The following NPRL3 variants were observed in gnomAD, a reference collection of about 807,000 sequenced individuals.
NPRL3 encodes NPR3 like, GATOR1 complex subunit.
In NPRL3, 23 loss-of-function variants were observed where a neutral mutation model predicts 57.2. The ratio of observed to expected loss-of-function variants is 0.40; its 90% CI spans 0.29 to 0.57. The LOEUF is 0.57. Among genes scored for constraint, NPRL3 ranks in the 20% least tolerant of loss-of-function variants. The pLI, the probability that NPRL3 is intolerant of heterozygous loss-of-function variation, is 0.42. For synonymous variants in NPRL3, 333 were observed against 321.1 expected (o/e 1.04, Z -0.39); for missense variants, 691 against 767.1 (o/e 0.90, Z 1.17).
chr16:102,664 C>G (rs953927364), intron 7 of NPRL3, among the ~76,000 whole-genome samples: 4 of 152,226 alleles, frequency 2.6e-5, no homozygotes, highest in African/African-American at 9.6e-5. Context: ...GACAGGCCAA[C>G]ACACCCACAT....
At chr16:130,950 T>G (rs1442401370) in intron 2 of NPRL3, among the ~76,000 whole-genome samples, 1 of 152,180 alleles carries the variant, frequency 6.6e-6, no homozygotes, top group African/African-American at 2.4e-5. Flanking sequence ...TAGAAACAGA[T>G]AGCGGTAATG....
chr16:116,796 C>CG (rs895676782), intron 5 of NPRL3, among the ~76,000 whole-genome samples: 5 of 144,684 alleles, frequency 3.5e-5, no homozygotes, highest in Middle Eastern at 3.6e-3. Context: ...GACCCCCCCC[C>CG]CCCACCGATC....
At chr16:96,258 G>A (rs1057022673) in intron 9 of NPRL3, among the ~76,000 whole-genome samples, 3 of 152,172 alleles carry the variant, frequency 2.0e-5, no homozygotes, top group Non-Finnish European at 4.4e-5. Context: ...AGGATGAGAG[G>A]CACAGTGTCC....
At position 103,159 on chromosome 16, in the gene NPRL3, T is replaced by A. The variant is rs371842409; in HGVS notation, c.630-2650A>T. 8.6e-5 allele frequency among the ~76,000 whole-genome samples: 13 copies of A among 151,960 alleles called. No individual in the cohort carries two copies. The East Asian group carries it at 1.2e-3, about 14-fold the overall frequency. ...AAAGGTCTATTTTTTTTTTCTTTTT[T>A]CTGAGACAAGGTCTCACTGTTGCTC... On this transcript the variant is annotated intron_variant, in intron 7 of 13. Coordinates refer to ENST00000611875, the MANE Select transcript of NPRL3 (RefSeq NM_001077350.3).
chr16:118,735 C>T (rs1567142474), intron 4 of NPRL3, among the ~76,000 whole-genome samples: 1 of 152,266 alleles, frequency 6.6e-6, no homozygotes, highest in Non-Finnish European at 1.5e-5. Context: ...TTCACCAGAG[C>T]TGGTGTCAGC....
At chr16:110,713 A>C (rs906348820) in intron 6 of NPRL3, 107 bp from the exon 7 acceptor site, 1 of 875,182 alleles carries the variant, frequency 1.1e-6, no homozygotes, top group Non-Finnish European at 1.8e-6. Flanking sequence ...ATGTCTGGCT[A>C]ATTTTTTTGT....
intron 7 of NPRL3, among the ~76,000 whole-genome samples, chr16:101,702 G>C (rs768894123): frequency 2.0e-4 from 30 of 152,160 alleles, no homozygotes; most frequent in Admixed American, 7.2e-4. Flanking sequence ...GGCAGTCCCA[G>C]CCATGGGCCT....
At position 100,534 on chromosome 16, in the gene NPRL3, C is replaced by T. The variant is rs367704264; in HGVS notation, c.630-25G>A. ...GCTGCAGAGAGTGGGCGCTGTTACC[C>T]GTTCACATAAACTTTCTAACCATGC... is the stretch of plus-strand genomic sequence containing the variant. On this transcript the variant is annotated intron_variant, in intron 7 of 13. Coordinates refer to ENST00000611875, the MANE Select transcript of NPRL3 (RefSeq NM_001077350.3). The T allele has an allele frequency of 5.0e-5, 76 of 1,516,740 alleles. 1 individual carries two copies. The Middle Eastern group carries it at 5.3e-4, about 11-fold the overall frequency. The allele number at this position is 1,516,740 out of a possible 1,614,324, so 94.0% of individuals were successfully genotyped here.
At chr16:110,904 A>C in intron 6 of NPRL3, among the ~76,000 whole-genome samples, 1 of 152,254 alleles carries the variant, frequency 6.6e-6, no homozygotes, top group East Asian at 1.9e-4. Context: ...GAGCTACCAC[A>C]TCCAGCCAAA....
intron 2 of NPRL3, among the ~76,000 whole-genome samples, chr16:132,861 G>C (rs1254386016): frequency 1.3e-5 from 2 of 152,040 alleles, no homozygotes; most frequent in African/African-American, 4.8e-5. Flanking sequence ...AGTAGACATG[G>C]GGTTTCACTG....
chr16:94,533 G>C (rs1365402961), intron 9 of NPRL3, among the ~76,000 whole-genome samples: 1 of 152,182 alleles, frequency 6.6e-6, no homozygotes, highest in Non-Finnish European at 1.5e-5. Context: ...AGGATCGCCT[G>C]AACCTCGGAG....
intron 12 of NPRL3, 183 bp from the exon 13 acceptor site, chr16:89,073 G>C: frequency 1.6e-6 from 1 of 616,364 alleles, no homozygotes. Context: ...TCATACGGCT[G>C]ACTTGGGAAA....
At position 85,396 on chromosome 16, in the gene NPRL3, C is replaced by T. The variant is rs774177528; in HGVS notation, c.*1309G>A. Reference sequence around the variant, plus strand: ...GGCTCCACTTCCAAACTGTCCGTCCCACAGGGGACGGGGCTTGCGTCTTGC... The same window carrying T: ...GGCTCCACTTCCAAACTGTCCGTCCTACAGGGGACGGGGCTTGCGTCTTGC... On this transcript the variant is annotated 3_prime_UTR_variant, in exon 14 of 14. Transcript: ENST00000611875. 22 of 1,598,202 alleles carry T rather than the reference C, an allele frequency of 1.4e-5. No homozygotes were observed. The highest frequency in any genetic ancestry group is 1.5e-5 in the Non-Finnish European group (18 of 1,171,662).
At chr16:117,556 G>A (rs1900096865) in intron 4 of NPRL3, among the ~76,000 whole-genome samples, 181 bp from the exon 5 acceptor site, 1 of 152,226 alleles carries the variant, frequency 6.6e-6, no homozygotes, top group South Asian at 2.1e-4. Context: ...ACTATGACAA[G>A]AGTGGGAAGG....
At chr16:121,614 C>T (rs1188467304) in intron 3 of NPRL3, among the ~76,000 whole-genome samples, 3 of 126,326 alleles carry the variant, frequency 2.4e-5, no homozygotes, top group Non-Finnish European at 5.2e-5. Context: ...AGCGAAACTC[C>T]GTCTCAAAAA....
In NPRL3 at chr16:130,584, C is replaced by T. The variant is rs370587053; in HGVS notation, c.126G>A (p.Pro42=). ...TGTTGCTGGCAGCGTATCTGCTACG[C>T]GGCTTACCTGAGTCGGGGCGAAAAG... ...QEHPASQTSK[P]RSRYAASNTG... Residue 42 remains proline, a synonymous_variant, in exon 3 of 14, where the codon CCG becomes CCA. Transcript: ENST00000611875. 35 of 1,554,194 alleles carry T rather than the reference C, an allele frequency of 2.3e-5. No homozygotes were observed. The Admixed American group carries it at 2.3e-4, about 10-fold the overall frequency.
chr16:114,175 C>G (rs560572999), intron 5 of NPRL3, among the ~76,000 whole-genome samples: 4 of 152,146 alleles, frequency 2.6e-5, no homozygotes, highest in Non-Finnish European at 1.5e-5. Context: ...CAACAGTGTC[C>G]ATGAGTTGGA....
chr16:87,473 G>T (rs1268604201), intron 13 of NPRL3, among the ~76,000 whole-genome samples: 1 of 151,470 alleles, frequency 6.6e-6, no homozygotes, highest in Non-Finnish European at 1.5e-5. Flanking sequence ...CTGAACTCAG[G>T]TGATCCACCC....
At chr16:101,934 C>T (rs1596510570) in intron 7 of NPRL3, among the ~76,000 whole-genome samples, 1 of 152,240 alleles carries the variant, frequency 6.6e-6, no homozygotes, top group Non-Finnish European at 1.5e-5. Flanking sequence ...ATGCTGTCTC[C>T]CCAACCAGAA....
Sources: allele counts gnomAD v4.1 joint callset (sites outside exome capture counted in the v4.1 genomes callset), GRCh38; gene constraint gnomAD v4.1.1; transcripts MANE v1.5; gene names NCBI Gene and HGNC (gene_info 2026-07-23, HGNC 2026-07-21).